The following ACTR3C variants were observed in gnomAD, a reference collection of about 807,000 sequenced individuals.
ACTR3C encodes actin-related protein 3C.
In ACTR3C, 18 loss-of-function variants were observed where a neutral mutation model predicts 26.3. The observed-to-expected ratio is 0.68, with a 90% confidence interval of 0.47 to 1.01. ACTR3C has a LOEUF of 1.01. ACTR3C is among the 50% of genes least tolerant of loss of function. The pLI is 0.00. For missense variants in ACTR3C, 184 were observed against 250.7 expected (o/e 0.73, Z 1.80); for synonymous variants, 55 against 94.5 (o/e 0.58, Z 2.42).
the ACTR3C span, among the ~76,000 whole-genome samples, chr7:150,220,097 T>C: frequency 3.4e-5 from 5 of 147,456 alleles, no homozygotes; most frequent in Non-Finnish European, 7.4e-5. Context: ...CCATCCTCAG[T>C]CACCGACCCC....
chr7:149,936,281 C>G, the ACTR3C span, among the ~76,000 whole-genome samples: 1 of 152,066 alleles, frequency 6.6e-6, no homozygotes, highest in Non-Finnish European at 1.5e-5. Context: ...ATAACTTTTC[C>G]CACCCACTCC....
intron 4 of ACTR3C, among the ~76,000 whole-genome samples, chr7:150,288,469 C>T (rs1165282953): frequency 1.2e-4 from 16 of 135,238 alleles, no homozygotes; most frequent in Non-Finnish European, 1.8e-4. Flanking sequence ...GGGCTAGTTT[C>T]GAACCCTGGC....
the ACTR3C span, among the ~76,000 whole-genome samples, chr7:150,039,284 CCT>C: frequency 9.9e-5 from 15 of 151,036 alleles, no homozygotes; most frequent in South Asian, 4.2e-4. Flanking sequence ...GTGCCTCCCC[CCT>C]CCTGCGATGG....
intron 1 of ACTR3C, 90 bp downstream of exon 1, chr7:150,323,379 G>A: frequency 3.4e-6 from 1 of 294,596 alleles, no homozygotes; most frequent in Non-Finnish European, 6.6e-6. Context: ...GGCGCTGGGA[G>A]AAGCACGCTG....
the ACTR3C span, among the ~76,000 whole-genome samples, chr7:150,034,013 G>A: frequency 1.3e-5 from 2 of 150,228 alleles, no homozygotes; most frequent in South Asian, 2.1e-4. Flanking sequence ...GCCCCCCTGC[G>A]ATGGTGGTCC....
the ACTR3C span, among the ~76,000 whole-genome samples, chr7:150,186,936 TA>T: frequency 3.9e-5 from 6 of 151,990 alleles, no homozygotes; most frequent in East Asian, 1.9e-4. Flanking sequence ...ATTTGTTTTT[TA>T]AAAAAAAGGT....
At chr7:149,925,433 C>A in the ACTR3C span, among the ~76,000 whole-genome samples, 2 of 152,110 alleles carry the variant, frequency 1.3e-5, no homozygotes, top group African/African-American at 4.8e-5. Flanking sequence ...ATTAGATGGG[C>A]AGGGGAAGCC....
intron 1 of ACTR3C, among the ~76,000 whole-genome samples, chr7:150,306,402 T>G (rs1238894352): frequency 6.6e-6 from 1 of 152,104 alleles, no homozygotes; most frequent in African/African-American, 2.4e-5. Flanking sequence ...GCTCGGTGCC[T>G]GCTCCTAAAA....
chr7:149,900,494 AT>A, the ACTR3C span, among the ~76,000 whole-genome samples: 1 of 152,040 alleles, frequency 6.6e-6, no homozygotes, highest in Non-Finnish European at 1.5e-5. Flanking sequence ...TTAATTAAGA[AT>A]AAATAAATAA....
At chr7:150,208,010 C>T in the ACTR3C span, among the ~76,000 whole-genome samples, 1,460 of 151,896 alleles carry the variant, frequency 9.6e-3, 33 homozygotes, top group African/African-American at 0.033. Flanking sequence ...TCCTCCTGCC[C>T]GAAACAAATA....
the ACTR3C span, among the ~76,000 whole-genome samples, chr7:150,030,908 A>C: frequency 6.6e-6 from 1 of 152,130 alleles, no homozygotes; most frequent in Non-Finnish European, 1.5e-5. Flanking sequence ...GCACAACAGC[A>C]GAGGGCTCTG....
At chr7:149,897,621 T>G in the ACTR3C span, among the ~76,000 whole-genome samples, 3 of 152,218 alleles carry the variant, frequency 2.0e-5, no homozygotes, top group Admixed American at 2.0e-4. Flanking sequence ...ATCCCAGCAC[T>G]GTGGGAGGCC....
At chr7:150,114,209 G>A in the ACTR3C span, among the ~76,000 whole-genome samples, 1 of 152,134 alleles carries the variant, frequency 6.6e-6, no homozygotes, top group African/African-American at 2.4e-5. Context: ...AGTGATCTCA[G>A]CAGAAATCAC....
the ACTR3C span, among the ~76,000 whole-genome samples, chr7:150,054,485 C>A: frequency 6.6e-6 from 1 of 152,212 alleles, no homozygotes; most frequent in Admixed American, 6.5e-5. Flanking sequence ...AAAAACATGT[C>A]CCTATTGACA....
At chr7:150,294,797 A>T (rs1354180056) in intron 2 of ACTR3C, among the ~76,000 whole-genome samples, 4 of 151,676 alleles carry the variant, frequency 2.6e-5, no homozygotes, top group Non-Finnish European at 5.9e-5. Flanking sequence ...GCAACCAAAA[A>T]ATATCACACC....
chr7:149,899,947 A>C, the ACTR3C span, among the ~76,000 whole-genome samples: 2 of 121,036 alleles, frequency 1.7e-5, no homozygotes, highest in African/African-American at 5.5e-5. Context: ...CTCATCAGAA[A>C]TCTTGACACA....
At chr7:150,130,171 C>T in the ACTR3C span, among the ~76,000 whole-genome samples, 9 of 152,136 alleles carry the variant, frequency 5.9e-5, no homozygotes, top group African/African-American at 1.9e-4. Context: ...AAAAATTTAA[C>T]ATGAACTGCA....
chr7:149,884,910 T>G, the ACTR3C span, among the ~76,000 whole-genome samples: 5 of 152,348 alleles, frequency 3.3e-5, no homozygotes, highest in African/African-American at 9.6e-5. Context: ...CTCCACATTT[T>G]AAACCAGCTC....
At chr7:150,193,225 T>G in the ACTR3C span, among the ~76,000 whole-genome samples, 1 of 152,118 alleles carries the variant, frequency 6.6e-6, no homozygotes, top group Non-Finnish European at 1.5e-5. Context: ...GAGTTATATT[T>G]GGCAGTTATG....
Sources: allele counts gnomAD v4.1 joint callset (sites outside exome capture counted in the v4.1 genomes callset), GRCh38; gene constraint gnomAD v4.1.1; transcripts MANE v1.5; gene names NCBI Gene and HGNC (gene_info 2026-07-23, HGNC 2026-07-21).